The following TRIM44 variants were observed in gnomAD, a reference collection of about 807,000 sequenced individuals.
The protein encoded by TRIM44 is tripartite motif containing 44, also known as tripartite motif-containing protein 44.
Under a neutral mutation model 37.4 loss-of-function variants are expected in TRIM44, and 13 were observed. The observed-to-expected ratio is 0.35, with a 90% CI of 0.23 to 0.55. The LOEUF (loss-of-function observed/expected upper bound fraction) is 0.55, where lower values mean the gene tolerates loss of function less well. Ranked by LOEUF, TRIM44 falls within the 20% of genes least tolerant of loss-of-function variation. The pLI, the probability that TRIM44 is intolerant of heterozygous loss-of-function variation, is 0.89. For missense variants in TRIM44, 426 were observed against 437.2 expected, an observed-to-expected ratio of 0.97 and a Z score of 0.23; for synonymous variants, 175 against 157.2, an observed-to-expected ratio of 1.11 and a Z score of -0.85.
At chr11:35,776,969 G>C (rs1414586264) in intron 4 of TRIM44, among the ~76,000 whole-genome samples, 2 of 152,150 alleles carry the variant, frequency 1.3e-5, no homozygotes, top group Non-Finnish European at 2.9e-5. Flanking sequence ...TATCTATTAG[G>C]TCTGCTTGGT....
intron 4 of TRIM44, among the ~76,000 whole-genome samples, chr11:35,783,372 G>A (rs1175725579): frequency 6.6e-6 from 1 of 152,186 alleles, no homozygotes; most frequent in African/African-American, 2.4e-5. Context: ...AGCCCTTGAA[G>A]CCACTCTATA....
At chr11:35,760,036 A>G (rs1285553283) in intron 4 of TRIM44, among the ~76,000 whole-genome samples, 4 of 152,328 alleles carry the variant, frequency 2.6e-5, no homozygotes, top group East Asian at 1.9e-4. Flanking sequence ...ACAGGGACAT[A>G]TAAGTCTGCA....
intron 4 of TRIM44, among the ~76,000 whole-genome samples, chr11:35,737,938 C>T (rs1022376816): frequency 1.3e-5 from 2 of 152,150 alleles, no homozygotes; most frequent in South Asian, 2.1e-4. Flanking sequence ...GTTACTGGTT[C>T]GGTTTTTATC....
intron 1 of TRIM44, among the ~76,000 whole-genome samples, chr11:35,671,748 A>C (rs1225504104): frequency 6.6e-6 from 1 of 152,216 alleles, no homozygotes; most frequent in Non-Finnish European, 1.5e-5. Context: ...TTGAAGGCGT[A>C]AGATCAGCAT....
intron 4 of TRIM44, among the ~76,000 whole-genome samples, chr11:35,777,196 T>G (rs1360269587): frequency 5.3e-5 from 8 of 152,228 alleles, no homozygotes; most frequent in Non-Finnish European, 1.2e-4. Context: ...ATTGATCCCT[T>G]TACCATTATG....
At chr11:35,753,709 G>A (rs1423374094) in intron 4 of TRIM44, among the ~76,000 whole-genome samples, 1 of 152,212 alleles carries the variant, frequency 6.6e-6, no homozygotes, top group East Asian at 1.9e-4. Flanking sequence ...TTTGGGATGA[G>A]AATATAGTTG....
intron 1 of TRIM44, among the ~76,000 whole-genome samples, chr11:35,669,621 G>A (rs947732080): frequency 1.3e-4 from 20 of 151,674 alleles, no homozygotes; most frequent in Admixed American, 5.9e-4. Flanking sequence ...AACTGCAGGC[G>A]CCCACCACCA....
At chr11:35,703,556 A>G (rs1851829010) in intron 2 of TRIM44, among the ~76,000 whole-genome samples, 1 of 152,188 alleles carries the variant, frequency 6.6e-6, no homozygotes, top group Non-Finnish European at 1.5e-5. Context: ...TACTCCCCTG[A>G]GACAAAACTT....
intron 4 of TRIM44, among the ~76,000 whole-genome samples, chr11:35,773,275 G>T (rs765540999): frequency 1.3e-5 from 2 of 151,960 alleles, no homozygotes; most frequent in Non-Finnish European, 2.9e-5. Context: ...TAATACAGGT[G>T]CCTTTTTTTT....
intron 4 of TRIM44, among the ~76,000 whole-genome samples, chr11:35,755,986 G>A (rs550467005): frequency 0.11 from 17,333 of 150,948 alleles, 1,140 homozygotes; most frequent in Non-Finnish European, 0.16. Context: ...TTGGCAATGT[G>A]GGCTCTTTTT....
intron 4 of TRIM44, among the ~76,000 whole-genome samples, chr11:35,765,843 G>A (rs543237874): frequency 2.6e-5 from 4 of 152,054 alleles, no homozygotes; most frequent in Non-Finnish European, 5.9e-5. Context: ...TATTCTTTCA[G>A]TTCTTCTTTG....
chr11:35,677,235 C>G (rs1851468839), intron 1 of TRIM44, among the ~76,000 whole-genome samples: 1 of 152,106 alleles, frequency 6.6e-6, no homozygotes, highest in South Asian at 2.1e-4. Context: ...CATTTTGCCT[C>G]TACAAATTTG....
intron 4 of TRIM44, among the ~76,000 whole-genome samples, chr11:35,749,042 T>TAG (rs144381088): frequency 7.2e-4 from 108 of 150,444 alleles, no homozygotes; most frequent in African/African-American, 1.7e-3. Flanking sequence ...ATGTGTATGT[T>TAG]AGAGAGAGAG....
intron 4 of TRIM44, among the ~76,000 whole-genome samples, chr11:35,742,734 ATATAAT>A (rs1410221706): frequency 7.3e-6 from 1 of 137,688 alleles, no homozygotes; most frequent in Non-Finnish European, 1.5e-5. Flanking sequence ...ATTATATTAA[ATATAAT>A]TATATTAATG....
At chr11:35,803,908 TC>T (rs1489585683) in intron 4 of TRIM44, among the ~76,000 whole-genome samples, 1 of 151,758 alleles carries the variant, frequency 6.6e-6, no homozygotes, top group Non-Finnish European at 1.5e-5. Flanking sequence ...TCAGTTATGA[TC>T]CCTTTTCTTT....
At chr11:35,717,575 C>A (rs139240310) in intron 2 of TRIM44, among the ~76,000 whole-genome samples, 21 of 152,278 alleles carry the variant, frequency 1.4e-4, no homozygotes, top group African/African-American at 4.6e-4. Context: ...TCCTGTTCAG[C>A]CAGCTCTGCG....
rs534185362 is a variant in TRIM44 at position 35,735,296 on chromosome 11, G to C, written c.988-130G>C. ...TGTCTTAGCCTTTAGATGTCTGTTG[G>C]TTTGTCTCTGTTACAATAAATGTAT... On this transcript the variant is annotated intron_variant, in intron 3 of 4. Coordinates refer to ENST00000299413, the MANE Select transcript of TRIM44 (RefSeq NM_017583.6). The C allele has an allele frequency of 1.4e-3, 1,153 of 852,768 alleles. 1 individual carries two copies. The highest frequency in any genetic ancestry group is 2.0e-3 in the Non-Finnish European group (1,031 of 514,266). 52.8% of individuals were successfully genotyped at this position (852,768 alleles called of 1,614,324 possible).
At chr11:35,691,726 G>A (rs935136822) in intron 2 of TRIM44, among the ~76,000 whole-genome samples, 1 of 152,080 alleles carries the variant, frequency 6.6e-6, no homozygotes, top group African/African-American at 2.4e-5. Context: ...GTTACTGTAA[G>A]CTCCACCTCC....
intron 4 of TRIM44, among the ~76,000 whole-genome samples, chr11:35,785,294 C>A (rs1555623): frequency 0.013 from 1,943 of 152,304 alleles, 45 homozygotes; most frequent in African/African-American, 0.044. Flanking sequence ...AGGAGATGGC[C>A]CCACTGTTGA....
Sources: allele counts gnomAD v4.1 joint callset (sites outside exome capture counted in the v4.1 genomes callset), GRCh38; gene constraint gnomAD v4.1.1; transcripts MANE v1.5; gene names NCBI Gene and HGNC (gene_info 2026-07-23, HGNC 2026-07-21).